TMEM217B: variants seen among roughly 807,000 people sequenced by gnomAD.
TMEM217B encodes the protein transmembrane protein 217B.
At chr6:37,245,486 C>T in the TMEM217B span, among the ~76,000 whole-genome samples, 10 of 152,322 alleles carry the variant, frequency 6.6e-5, no homozygotes, top group Admixed American at 6.5e-4. Context: ...ATTTTATTAG[C>T]AGAGCCCACA....
At chr6:37,218,474 C>T in the TMEM217B span, 4 of 1,613,822 alleles carry the variant, frequency 2.5e-6, no homozygotes, top group South Asian at 3.3e-5. Flanking sequence ...ACTGAACCCA[C>T]TCGAAATTGA....
the TMEM217B span, chr6:37,215,279 G>A: frequency 1.9e-5 from 31 of 1,612,870 alleles, no homozygotes; most frequent in East Asian, 6.9e-4. Flanking sequence ...TGCTAGTGTG[G>A]AAGCTAGACA....
chr6:37,230,357 C>T, the TMEM217B span, among the ~76,000 whole-genome samples: 3 of 152,194 alleles, frequency 2.0e-5, no homozygotes, highest in African/African-American at 7.2e-5. Flanking sequence ...GGGCAAAGGC[C>T]ATAAGGGCTG....
the TMEM217B span, among the ~76,000 whole-genome samples, chr6:37,247,273 T>C: frequency 1.3e-5 from 2 of 152,102 alleles, no homozygotes; most frequent in African/African-American, 4.8e-5. Context: ...AAGCTGACCC[T>C]GAGACAAGGA....
At chr6:37,218,415 G>T in the TMEM217B span, 4 of 1,575,282 alleles carry the variant, frequency 2.5e-6, no homozygotes, top group South Asian at 2.3e-5. Context: ...GACCTCAGGC[G>T]ATCCACCTAC....
At chr6:37,221,566 A>T in the TMEM217B span, among the ~76,000 whole-genome samples, 2 of 152,308 alleles carry the variant, frequency 1.3e-5, no homozygotes, top group African/African-American at 2.4e-5. Context: ...TATGTTATAG[A>T]ATGTGTCAGA....
chr6:37,251,268 T>G, the TMEM217B span, among the ~76,000 whole-genome samples: 1 of 150,714 alleles, frequency 6.6e-6, no homozygotes, highest in Non-Finnish European at 1.5e-5. Flanking sequence ...CATATGGGAA[T>G]GAACACCCAC....
the TMEM217B span, chr6:37,218,342 A>AC: frequency 8.0e-7 from 1 of 1,250,986 alleles, no homozygotes; most frequent in Non-Finnish European, 1.1e-6. Flanking sequence ...CTAATTTTCT[A>AC]TTTTTTTTAG....
At chr6:37,215,079 GC>G in the TMEM217B span, 3 of 1,352,098 alleles carry the variant, frequency 2.2e-6, no homozygotes, top group Non-Finnish European at 1.0e-6. Flanking sequence ...CAGCTCTGCT[GC>G]CCCAGCCTTG....
At chr6:37,218,210 C>T in the TMEM217B span, 21 of 1,267,432 alleles carry the variant, frequency 1.7e-5, no homozygotes, top group East Asian at 7.6e-4. Context: ...TACTCTGTCA[C>T]TCAGGCTGAA....
the TMEM217B span, among the ~76,000 whole-genome samples, chr6:37,241,425 C>T: frequency 6.6e-6 from 1 of 152,134 alleles, no homozygotes; most frequent in African/African-American, 2.4e-5. Context: ...CAGCATTGTA[C>T]CTGGAGAGGG....
At chr6:37,226,755 G>T in the TMEM217B span, among the ~76,000 whole-genome samples, 1 of 145,432 alleles carries the variant, frequency 6.9e-6, no homozygotes, top group Non-Finnish European at 1.5e-5. Context: ...GTAGAGAGGG[G>T]TTTCACCATG....
the TMEM217B span, among the ~76,000 whole-genome samples, chr6:37,222,273 G>T: frequency 6.6e-6 from 1 of 152,170 alleles, no homozygotes; most frequent in Admixed American, 6.5e-5. Flanking sequence ...CTGAGGACCC[G>T]CCCCCTTCCA....
At chr6:37,237,090 C>T in the TMEM217B span, among the ~76,000 whole-genome samples, 7 of 152,156 alleles carry the variant, frequency 4.6e-5, no homozygotes, top group Non-Finnish European at 7.4e-5. Flanking sequence ...CATAGCAACA[C>T]GTTTCCTGGA....
the TMEM217B span, among the ~76,000 whole-genome samples, chr6:37,229,022 CAAT>C: frequency 4.6e-5 from 7 of 151,256 alleles, no homozygotes; most frequent in African/African-American, 9.7e-5. Flanking sequence ...AACAAAATAA[CAAT>C]AATAATAATA....
chr6:37,257,761 G>C, the TMEM217B span: 3 of 753,446 alleles, frequency 4.0e-6, no homozygotes, highest in Non-Finnish European at 6.5e-6. Context: ...GTGCTGGGTG[G>C]AGGGGTGCCC....
At chr6:37,229,632 G>A in the TMEM217B span, among the ~76,000 whole-genome samples, 182 of 152,208 alleles carry the variant, frequency 1.2e-3, no homozygotes, top group African/African-American at 3.9e-3. Context: ...GTGAGCCACC[G>A]CGCCGGCCAA....
the TMEM217B span, among the ~76,000 whole-genome samples, chr6:37,223,812 T>C: frequency 2.0e-5 from 3 of 150,240 alleles, no homozygotes; most frequent in Admixed American, 1.3e-4. Context: ...CTAGCCCATT[T>C]TTCTTATTTA....
chr6:37,227,491 G>A, the TMEM217B span, among the ~76,000 whole-genome samples: 4 of 152,224 alleles, frequency 2.6e-5, no homozygotes, highest in East Asian at 7.7e-4. Context: ...CTGTCACCCA[G>A]GCTGGAGTGT....
Sources: allele counts gnomAD v4.1 joint callset (sites outside exome capture counted in the v4.1 genomes callset), GRCh38; gene constraint gnomAD v4.1.1; transcripts MANE v1.5; gene names NCBI Gene and HGNC (gene_info 2026-07-23, HGNC 2026-07-21).